The following TAF4B variants were observed in gnomAD, a reference collection of about 807,000 sequenced individuals.
TAF4B encodes the protein TATA-box binding protein associated factor 4b, also known as transcription initiation factor TFIID subunit 4B.
Under a neutral mutation model 86.4 loss-of-function variants are expected in TAF4B, and 38 were observed. The observed-to-expected ratio is 0.44, with a 90% CI of 0.34 to 0.58. The LOEUF (loss-of-function observed/expected upper bound fraction) is 0.58. Ranked by LOEUF, TAF4B falls within the 20% of genes least tolerant of loss-of-function variation. The pLI, the probability that TAF4B is intolerant of heterozygous loss-of-function variation, is 0.02. For missense variants in TAF4B, 988 were observed against 1,027.6 expected (o/e 0.96, Z 0.53); for synonymous variants, 388 against 391.2 (o/e 0.99, Z 0.10).
chr18:26,257,842 CGTGTGTGTGTGTGTGT>C (rs57275139), intron 1 of TAF4B, among the ~76,000 whole-genome samples: 7,919 of 141,516 alleles, frequency 0.056, 370 homozygotes, highest in Admixed American at 0.12. Flanking sequence ...CCTCTGCGTG[CGTGTGTGTGTGTGTGT>C]GTGTGTGTGT....
rs571226307 is a variant in TAF4B at position 26,241,013 on chromosome 18, G to A, written c.343+13737G>A. Reference sequence around the variant, plus strand: ...GTATTTTATTGAGGATTTTTGTATCGATGTTCATCAGGGGTATTGGTCTAA... The same window carrying A: ...GTATTTTATTGAGGATTTTTGTATCAATGTTCATCAGGGGTATTGGTCTAA... On this transcript the variant is annotated intron_variant, in intron 1 of 14. Transcript: ENST00000269142. 3.9e-5 allele frequency among the ~76,000 whole-genome samples: 6 copies of A among 152,182 alleles called. No individual in the cohort carries two copies. The South Asian group carries it at 6.2e-4, about 16-fold the overall frequency.
chr18:26,324,285 C>G (rs2056986698), intron 11 of TAF4B, among the ~76,000 whole-genome samples: 2 of 151,924 alleles, frequency 1.3e-5, no homozygotes, highest in African/African-American at 4.8e-5. Flanking sequence ...ACATGAATAC[C>G]TTTTTTAGTA....
chr18:26,227,329 G>T, intron 1 of TAF4B, 53 bp downstream of exon 1: 1 of 1,556,030 alleles, frequency 6.4e-7, no homozygotes, highest in East Asian at 2.4e-5. Context: ...GGCGGCGACG[G>T]GAAAATTCGC....
At chr18:26,228,358 T>C (rs1299396960) in intron 1 of TAF4B, among the ~76,000 whole-genome samples, 1 of 152,210 alleles carries the variant, frequency 6.6e-6, no homozygotes, top group Non-Finnish European at 1.5e-5. Context: ...ATGTTGTAGT[T>C]AGTCATACAC....
At chr18:26,231,342 GGGGT>G (rs1355010829) in intron 1 of TAF4B, among the ~76,000 whole-genome samples, 4 of 30,926 alleles carry the variant, frequency 1.3e-4, no homozygotes, top group African/African-American at 3.8e-4. Context: ...CCAGCTGCTT[GGGGT>G]TTTTTTTTTT....
intron 3 of TAF4B, among the ~76,000 whole-genome samples, chr18:26,271,783 G>C (rs932571600): frequency 1.3e-5 from 2 of 151,936 alleles, no homozygotes; most frequent in African/African-American, 4.8e-5. Context: ...AATGAGCCGG[G>C]TGGTGTGGTG....
At position 26,310,480 on chromosome 18, in the gene TAF4B, A is replaced by G. The variant is rs150177110; in HGVS notation, c.1833-4749A>G. Among the ~76,000 whole-genome samples, 172 of 152,324 alleles carry G rather than the reference A, an allele frequency of 1.1e-3. 4 individuals carry two copies. In the East Asian group the frequency reaches 0.031, roughly 28 times the overall value. ...TGAGAAAAACAACTTTAAAGCATAG[A>G]AGAAGGAATAAGCAGGATATTGTGT... On this transcript the variant is annotated intron_variant, in intron 9 of 14. Coordinates refer to ENST00000269142, the MANE Select transcript of TAF4B (RefSeq NM_005640.3).
At chr18:26,317,569 T>C (rs1214773948) in intron 10 of TAF4B, among the ~76,000 whole-genome samples, 2 of 152,232 alleles carry the variant, frequency 1.3e-5, no homozygotes, top group Non-Finnish European at 2.9e-5. Context: ...GTTATTGTCT[T>C]AGTCATCTTG....
At chr18:26,357,517 T>C (rs1183645621) in intron 13 of TAF4B, among the ~76,000 whole-genome samples, 173 bp from the exon 14 acceptor site, 1 of 152,192 alleles carries the variant, frequency 6.6e-6, no homozygotes, top group Admixed American at 6.5e-5. Flanking sequence ...ACTAAAGAGT[T>C]TGTTGGTGTA....
chr18:26,381,676 G>A (rs1276062162), intron 14 of TAF4B, among the ~76,000 whole-genome samples: 1 of 151,728 alleles, frequency 6.6e-6, no homozygotes, highest in African/African-American at 2.4e-5. Context: ...GCGGTGAGCC[G>A]AGATTGCGCC....
chr18:26,261,171 C>CTTT (rs2056159869), intron 1 of TAF4B, among the ~76,000 whole-genome samples: 1 of 118,066 alleles, frequency 8.5e-6, no homozygotes, highest in African/African-American at 3.1e-5. Context: ...TGAGCACTGT[C>CTTT]ATTTTTTTTT....
intron 14 of TAF4B, among the ~76,000 whole-genome samples, chr18:26,380,632 T>A (rs1360308930): frequency 6.6e-6 from 1 of 152,226 alleles, no homozygotes; most frequent in Non-Finnish European, 1.5e-5. Context: ...GCTTTGTTTT[T>A]TTAAAAGTTT....
At chr18:26,309,815 C>T (rs2056835727) in intron 9 of TAF4B, among the ~76,000 whole-genome samples, 1 of 151,816 alleles carries the variant, frequency 6.6e-6, no homozygotes, top group Non-Finnish European at 1.5e-5. Context: ...CATGGTCATC[C>T]TATTAATATT....
Position 26,315,209 on chromosome 18 carries a change from C to T in TAF4B, c.1833-20C>T. 3.3e-6 allele frequency: 4 copies of T among 1,219,836 alleles called. No homozygotes were observed. Among genetic ancestry groups the T allele is most frequent in the Non-Finnish European group, 4.4e-6 (4 of 914,834 alleles). The allele number at this position is 1,219,836 out of a possible 1,614,324, so 75.6% of individuals were successfully genotyped here. ...CACACACACAACCTAAAATGTATAA[C>T]TTTTTTTTTTTTCTATTAGAGATGA... On this transcript the variant is annotated intron_variant, in intron 9 of 14. Coordinates refer to ENST00000269142, the MANE Select transcript of TAF4B (RefSeq NM_005640.3).
At chr18:26,228,848 G>T (rs1003602089) in intron 1 of TAF4B, among the ~76,000 whole-genome samples, 19 of 152,060 alleles carry the variant, frequency 1.2e-4, no homozygotes, top group African/African-American at 4.3e-4. Flanking sequence ...ACTTACTGGA[G>T]GATTGGGGCC....
At chr18:26,337,669 C>T (rs928791730) in intron 13 of TAF4B, among the ~76,000 whole-genome samples, 3 of 152,098 alleles carry the variant, frequency 2.0e-5, no homozygotes, top group Admixed American at 1.3e-4. Context: ...GTGATCTACC[C>T]GCTTCAGCCT....
chr18:26,243,755 G>C (rs1017871364), intron 1 of TAF4B, among the ~76,000 whole-genome samples: 1 of 152,200 alleles, frequency 6.6e-6, no homozygotes, highest in Admixed American at 6.5e-5. Context: ...GTGATGTACA[G>C]ATGGGGTTTT....
rs59457633 is a variant in TAF4B, at chr18:26,309,245, ATTTTTTTTTTTTTTTTTTT to A, written c.1833-5967_1833-5949del. 4.1e-3 allele frequency among the ~76,000 whole-genome samples: 351 copies of A among 84,600 alleles called. 6 individuals carry two copies. Among genetic ancestry groups the A allele is most frequent in the African/African-American group, 0.011 (299 of 26,016 alleles). 55.5% of individuals were successfully genotyped at this position (84,600 alleles called of 152,430 possible). On this transcript the variant is annotated intron_variant, in intron 9 of 14. Transcript: ENST00000269142. The stretch of plus-strand genomic sequence containing the variant: ...CACTTTAGGGAAAAAACCTGACAGT[ATTTTTTTTTTTTTTTTTTT>A]TTTTTTTTTTTTTTTTGCCAATGAT...
intron 14 of TAF4B, among the ~76,000 whole-genome samples, chr18:26,371,039 C>A (rs1355341391): frequency 6.6e-5 from 10 of 151,736 alleles, no homozygotes; most frequent in Admixed American, 1.3e-4. Flanking sequence ...ATAAGGAATT[C>A]TCAAAAAAGA....
Sources: allele counts gnomAD v4.1 joint callset (sites outside exome capture counted in the v4.1 genomes callset), GRCh38; gene constraint gnomAD v4.1.1; transcripts MANE v1.5; gene names NCBI Gene and HGNC (gene_info 2026-07-23, HGNC 2026-07-21).